CADM2: variants seen among roughly 807,000 people sequenced by gnomAD.
CADM2 encodes immunoglobulin superfamily member 4D.
Under a neutral mutation model 49.8 loss-of-function variants are expected in CADM2, and 12 were observed. The ratio of observed to expected loss-of-function variants is 0.24; its 90% CI spans 0.15 to 0.39. The LOEUF (loss-of-function observed/expected upper bound fraction) is 0.39. CADM2 is among the 10% of genes least tolerant of loss of function. CADM2 has a pLI of 1.00. For synonymous variants in CADM2, 214 were observed against 175.4 expected, an observed-to-expected ratio of 1.22 and a Z score of -1.74; for missense variants, 378 against 492.3, an observed-to-expected ratio of 0.77 and a Z score of 2.20.
At chr3:85,027,110 T>C (rs13070296) in intron 1 of CADM2, among the ~76,000 whole-genome samples, 1 of 37,630 alleles carries the variant, frequency 2.7e-5, no homozygotes, top group Non-Finnish European at 4.6e-5. Flanking sequence ...TTCTTTTTCC[T>C]TTTTTTTTTT....
At chr3:85,673,373 G>T (rs924777083) in intron 1 of CADM2, among the ~76,000 whole-genome samples, 3 of 151,940 alleles carry the variant, frequency 2.0e-5, no homozygotes, top group Admixed American at 2.0e-4. Context: ...GGAAAAACAG[G>T]GTAGTCTCCA....
At chr3:85,994,251 T>C (rs1181579659) in intron 8 of CADM2, 1 of 152,194 alleles carries the variant, frequency 6.6e-6, no homozygotes, top group African/African-American at 2.4e-5. Flanking sequence ...AGATGACCTA[T>C]TTTCTTAAGC....
chr3:84,977,117 A>G (rs574149766), intron 1 of CADM2, among the ~76,000 whole-genome samples: 1 of 152,120 alleles, frequency 6.6e-6, no homozygotes, highest in Admixed American at 6.6e-5. Flanking sequence ...AAAATGATGG[A>G]TATAGATCTT....
intron 1 of CADM2, among the ~76,000 whole-genome samples, chr3:85,504,821 G>A (rs1442476135): frequency 2.6e-5 from 4 of 152,204 alleles, no homozygotes; most frequent in Admixed American, 2.0e-4. Context: ...GCCCTGCCCC[G>A]CGGGAAGGCA....
At position 85,687,886 on chromosome 3, in the gene CADM2, A is replaced by T. The variant is rs546400528; in HGVS notation, c.62-38636A>T. Among the ~76,000 whole-genome samples, 3 of 152,316 alleles carry T rather than the reference A, an allele frequency of 2.0e-5. No homozygotes were observed. In the East Asian group the frequency reaches 5.8e-4, roughly 29 times the overall value. ...GCAGGAGGTGAGCGGGCGAGCGAGC[A>T]TTACTGCCTGAGCTCCACCTCCTTT... On this transcript the variant is annotated intron_variant, in intron 1 of 9. Transcript: ENST00000383699.
At chr3:84,999,014 C>T (rs940284665) in intron 1 of CADM2, among the ~76,000 whole-genome samples, 1 of 152,162 alleles carries the variant, frequency 6.6e-6, no homozygotes, top group East Asian at 1.9e-4. Context: ...ATAACTTTCC[C>T]TAAAAACGAT....
intron 1 of CADM2, among the ~76,000 whole-genome samples, chr3:85,627,323 C>T (rs1339596729): frequency 2.0e-5 from 3 of 151,978 alleles, no homozygotes; most frequent in Non-Finnish European, 4.4e-5. Flanking sequence ...AGACCACTAA[C>T]TTGGAATGGG....
At chr3:85,582,725 A>C (rs916264270) in intron 1 of CADM2, among the ~76,000 whole-genome samples, 2 of 152,178 alleles carry the variant, frequency 1.3e-5, no homozygotes, top group Admixed American at 6.6e-5. Context: ...GGAACTGGGC[A>C]TAACATTTGA....
chr3:85,417,703 G>C (rs1002361759), intron 1 of CADM2, among the ~76,000 whole-genome samples: 1 of 152,088 alleles, frequency 6.6e-6, no homozygotes, highest in Non-Finnish European at 1.5e-5. Context: ...GGGTATAAAG[G>C]TCTTATACAG....
At chr3:85,790,369 C>G (rs1263062838) in intron 2 of CADM2, among the ~76,000 whole-genome samples, 2 of 152,168 alleles carry the variant, frequency 1.3e-5, no homozygotes, top group African/African-American at 4.8e-5. Flanking sequence ...GTCACCTACT[C>G]ACAGGTACTG....
intron 1 of CADM2, among the ~76,000 whole-genome samples, chr3:85,593,625 T>A (rs1047939644): frequency 3.9e-5 from 6 of 151,968 alleles, no homozygotes; most frequent in African/African-American, 1.4e-4. Flanking sequence ...CATAAGACAT[T>A]GGGTGCTGCT....
intron 8 of CADM2, among the ~76,000 whole-genome samples, chr3:86,040,327 A>T (rs538908315): frequency 6.6e-6 from 1 of 152,232 alleles, no homozygotes; most frequent in South Asian, 2.1e-4. Context: ...AGAACTTAAA[A>T]ACCTTGAAAA....
At chr3:84,979,331 T>C (rs1465934529) in intron 1 of CADM2, among the ~76,000 whole-genome samples, 1 of 152,164 alleles carries the variant, frequency 6.6e-6, no homozygotes, top group Non-Finnish European at 1.5e-5. Context: ...TATTTATTAA[T>C]GTGTATATTT....
chr3:85,780,803 G>A (rs144218958), intron 2 of CADM2, among the ~76,000 whole-genome samples: 1 of 152,004 alleles, frequency 6.6e-6, no homozygotes, highest in Non-Finnish European at 1.5e-5. Context: ...CTGCTATTTT[G>A]ATCATGTATC....
At chr3:85,513,988 A>G (rs1041451497) in intron 1 of CADM2, among the ~76,000 whole-genome samples, 3 of 152,074 alleles carry the variant, frequency 2.0e-5, no homozygotes, top group African/African-American at 4.8e-5. Flanking sequence ...GCTCAAACAA[A>G]TGTCTATAGA....
Position 85,150,746 on chromosome 3 carries a change from A to T in CADM2, c.61+191078A>T, listed in dbSNP as rs115456612. Among the ~76,000 whole-genome samples, 293 of 151,592 alleles carry T rather than the reference A, an allele frequency of 1.9e-3. 1 individual carries two copies. The highest frequency in any genetic ancestry group is 6.8e-3 in the African/African-American group (281 of 41,354). ...AGTGAAACCGTCTCTACTAAAAAAA[A>T]AAGGAAAAAAAAATTAGCCAGGTAT... On this transcript the variant is annotated intron_variant, in intron 1 of 9. Transcript: ENST00000383699.
chr3:85,142,744 G>A (rs974233419), intron 1 of CADM2, among the ~76,000 whole-genome samples: 3 of 152,070 alleles, frequency 2.0e-5, no homozygotes, highest in African/African-American at 7.2e-5. Context: ...TCTCTTCATG[G>A]AAAATGAATA....
In CADM2 at chr3:85,746,358, C is replaced by A. The variant is rs562362323; in HGVS notation, c.88+19810C>A. 7.9e-5 allele frequency among the ~76,000 whole-genome samples: 12 copies of A among 152,142 alleles called. 1 individual carries two copies. In the South Asian group the frequency reaches 1.2e-3, roughly 16 times the overall value. ...ACTGATGGATGTATATTTGGAAAAG[C>A]CCTGTGTGTTTTTCTCCACCTACTC... is the stretch of plus-strand genomic sequence containing the variant. On this transcript the variant is annotated intron_variant, in intron 2 of 9. Transcript: ENST00000383699.
intron 3 of CADM2, among the ~76,000 whole-genome samples, chr3:85,836,694 T>C (rs1230537790): frequency 6.6e-6 from 1 of 151,594 alleles, no homozygotes; most frequent in East Asian, 1.9e-4. Flanking sequence ...GAAGAAGATA[T>C]CCAGGGAAAC....
Sources: allele counts gnomAD v4.1 joint callset (sites outside exome capture counted in the v4.1 genomes callset), GRCh38; gene constraint gnomAD v4.1.1; transcripts MANE v1.5; gene names NCBI Gene and HGNC (gene_info 2026-07-23, HGNC 2026-07-21).